RABGAP1L: variants seen among roughly 807,000 people sequenced by gnomAD.
RABGAP1L encodes RAB GTPase activating protein 1 like.
A neutral mutation model predicts 137.7 loss-of-function variants in RABGAP1L; 63 were observed. The ratio of observed to expected loss-of-function variants is 0.46; its 90% confidence interval spans 0.37 to 0.56. The LOEUF (loss-of-function observed/expected upper bound fraction) is 0.56. Among genes scored for constraint, RABGAP1L ranks in the 20% least tolerant of loss-of-function variants. The pLI is 0.00. For missense variants in RABGAP1L, 1,095 were observed against 1,244.0 expected (o/e 0.88, Z 1.80); for synonymous variants, 431 against 433.7 (o/e 0.99, Z 0.08).
At chr1:174,201,286 A>G (rs1421490615) in intron 1 of RABGAP1L, among the ~76,000 whole-genome samples, 7 of 139,338 alleles carry the variant, frequency 5.0e-5, no homozygotes, top group African/African-American at 1.6e-4. Flanking sequence ...TTTGAGATGG[A>G]GTCTTACTCA....
chr1:174,291,311 G>A (rs971797422), intron 10 of RABGAP1L, among the ~76,000 whole-genome samples: 1 of 151,824 alleles, frequency 6.6e-6, no homozygotes, highest in Admixed American at 6.6e-5. Flanking sequence ...CTTAGGAAAA[G>A]TCACCCTTGG....
At chr1:174,613,141 G>T (rs1320226400) in intron 13 of RABGAP1L, among the ~76,000 whole-genome samples, 2 of 149,408 alleles carry the variant, frequency 1.3e-5, no homozygotes, top group Non-Finnish European at 3.0e-5. Flanking sequence ...TCTTTTAATT[G>T]TGATGTTAGG....
intron 14 of RABGAP1L, among the ~76,000 whole-genome samples, chr1:174,644,368 C>A (rs967322419): frequency 6.6e-6 from 1 of 151,960 alleles, no homozygotes; most frequent in Non-Finnish European, 1.5e-5. Flanking sequence ...AGCCATCACA[C>A]TCTTACTAGG....
intron 14 of RABGAP1L, among the ~76,000 whole-genome samples, chr1:174,661,707 T>TA (rs1217668077): frequency 1.3e-5 from 2 of 152,212 alleles, no homozygotes; most frequent in African/African-American, 4.8e-5. Flanking sequence ...TAGTAAGATA[T>TA]ACCATTATGC....
chr1:174,853,847 A>G (rs942182470), intron 19 of RABGAP1L, among the ~76,000 whole-genome samples: 1 of 152,192 alleles, frequency 6.6e-6, no homozygotes, highest in Non-Finnish European at 1.5e-5. Context: ...AAAGGGAAGT[A>G]TGGTACAGAT....
intron 12 of RABGAP1L, among the ~76,000 whole-genome samples, chr1:174,374,480 C>A (rs536303224): frequency 7.9e-5 from 12 of 152,044 alleles, no homozygotes; most frequent in Non-Finnish European, 1.8e-4. Flanking sequence ...AAAACTAATA[C>A]CTTATACTCC....
intron 13 of RABGAP1L, among the ~76,000 whole-genome samples, chr1:174,615,874 C>G (rs926090266): frequency 1.3e-5 from 2 of 152,236 alleles, no homozygotes; most frequent in African/African-American, 2.4e-5. Context: ...GTGTAGGACC[C>G]TCCGAGCCAG....
At chr1:174,428,025 C>G (rs993226084) in intron 13 of RABGAP1L, among the ~76,000 whole-genome samples, 4 of 152,148 alleles carry the variant, frequency 2.6e-5, no homozygotes, top group Non-Finnish European at 5.9e-5. Context: ...GAATACATCC[C>G]TGGTCTGAGA....
At chr1:174,298,074 AG>A (rs1677292000) in intron 10 of RABGAP1L, among the ~76,000 whole-genome samples, 1 of 152,182 alleles carries the variant, frequency 6.6e-6, no homozygotes, top group Non-Finnish European at 1.5e-5. Context: ...TGCCTTTTAA[AG>A]GACTCCTAGG....
intron 15 of RABGAP1L, among the ~76,000 whole-genome samples, chr1:174,688,499 C>A (rs879684230): frequency 1.3e-5 from 2 of 151,978 alleles, no homozygotes; most frequent in Admixed American, 6.6e-5. Context: ...CAATTCCTTT[C>A]GAAACCAATT....
At chr1:174,852,668 T>C (rs925893575) in intron 19 of RABGAP1L, among the ~76,000 whole-genome samples, 1 of 151,930 alleles carries the variant, frequency 6.6e-6, no homozygotes, top group Admixed American at 6.6e-5. Context: ...ACAAAAAAAT[T>C]AGCTGGGCGT....
intron 18 of RABGAP1L, among the ~76,000 whole-genome samples, chr1:174,770,463 C>A (rs1402328390): frequency 6.6e-6 from 1 of 152,190 alleles, no homozygotes; most frequent in Admixed American, 6.5e-5. Context: ...AGCAATTTCT[C>A]ATTACTTATT....
intron 11 of RABGAP1L, among the ~76,000 whole-genome samples, chr1:174,318,256 A>G (rs1679582543): frequency 6.6e-6 from 1 of 151,962 alleles, no homozygotes; most frequent in Non-Finnish European, 1.5e-5. Flanking sequence ...CTCTTTTTAC[A>G]CTTTTGAACT....
chr1:174,605,476 G>A (rs1013563985), intron 13 of RABGAP1L, among the ~76,000 whole-genome samples: 1 of 151,916 alleles, frequency 6.6e-6, no homozygotes, highest in Admixed American at 6.5e-5. Flanking sequence ...CTTTGATTAT[G>A]CTTTGTCTTC....
chr1:174,173,688 T>C (rs755645691), intron 1 of RABGAP1L, among the ~76,000 whole-genome samples: 1 of 151,992 alleles, frequency 6.6e-6, no homozygotes, highest in Non-Finnish European at 1.5e-5. Context: ...AGGTAGAATA[T>C]GGGTTTTGTG....
intron 10 of RABGAP1L, among the ~76,000 whole-genome samples, chr1:174,283,196 AGTTTGAGACC>A (rs1675727911): frequency 6.6e-6 from 1 of 151,860 alleles, no homozygotes. Context: ...TGAGGCCAGG[AGTTTGAGACC>A]AGCCTAGGCA....
At chr1:174,578,327 G>C (rs1439408389) in intron 13 of RABGAP1L, among the ~76,000 whole-genome samples, 3 of 152,088 alleles carry the variant, frequency 2.0e-5, no homozygotes, top group Non-Finnish European at 2.9e-5. Flanking sequence ...TGGGACAACA[G>C]GTGCACAGTA....
chr1:174,242,555 G>T (rs1216865071), intron 5 of RABGAP1L, among the ~76,000 whole-genome samples: 1 of 152,104 alleles, frequency 6.6e-6, no homozygotes, highest in Admixed American at 6.5e-5. Context: ...TTTATTTCTG[G>T]CGACAAAATG....
At chr1:174,872,243 G>T (rs1652319524) in intron 19 of RABGAP1L, among the ~76,000 whole-genome samples, 1 of 151,704 alleles carries the variant, frequency 6.6e-6, no homozygotes, top group Non-Finnish European at 1.5e-5. Context: ...CTGAATGGCT[G>T]GTATTCAACA....
Sources: allele counts gnomAD v4.1 joint callset (sites outside exome capture counted in the v4.1 genomes callset), GRCh38; gene constraint gnomAD v4.1.1; transcripts MANE v1.5; gene names NCBI Gene and HGNC (gene_info 2026-07-23, HGNC 2026-07-21).